Variants in NTN3 observed in about 807,000 individuals in gnomAD.
NTN3 encodes netrin 3.
Under a neutral mutation model 37.2 loss-of-function variants are expected in NTN3, and 44 were observed. That is an observed-to-expected ratio of 1.18 (90% CI 0.93 to 1.52). The LOEUF (loss-of-function observed/expected upper bound fraction) is 1.52. Ranked by LOEUF, NTN3 falls within the 40% of genes most tolerant of loss-of-function variation. The probability of loss-of-function intolerance (pLI) is 0.00; values close to 1 mark genes in which losing one functional copy is unlikely to be tolerated. For synonymous variants in NTN3, 385 were observed against 376.0 expected (o/e 1.02, Z -0.28); for missense variants, 882 against 857.3 (o/e 1.03, Z -0.36).
rs1458327799 is a variant in NTN3 at position 2,471,962 on chromosome 16, G to A, written c.261G>A (p.Thr87=). 4 of 1,580,428 alleles carry A rather than the reference G, an allele frequency of 2.5e-6. No individual in the cohort carries two copies. Among genetic ancestry groups the A allele is most frequent in the Admixed American group, 1.7e-5 (1 of 57,706 alleles). The part of the protein sequence containing the change: ...SPALLTSPGG[T]ASPLCWRSES... The stretch of plus-strand genomic sequence containing the variant: ...CCCTCCTTACTTCCCCAGGGGGCAC[G>A]GCCAGCCCTCTGTGCTGGCGCTCGG... The change falls in exon 1 of 6, where the codon ACG becomes ACA. Residue 87 remains threonine (T), a synonymous_variant. Transcript: ENST00000293973.
In NTN3 at chr16:2,473,973, G is replaced by T; in HGVS notation, c.1611G>T (p.Gly537=). The change falls in exon 6 of 6, where the codon GGG becomes GGT. Residue 537 remains glycine (G), a synonymous_variant. Coordinates refer to ENST00000293973, the MANE Select transcript of NTN3 (RefSeq NM_006181.3). ...LLGGGPGAAA[G]GAGGRGPGLI... ...GGGGCGGGCCTGGAGCCGCGGCTGG[G>T]GGCGCGGGGGGCCGGGGGCCCGGGC... 1 of 1,163,814 alleles carries T rather than the reference G, an allele frequency of 8.6e-7. No individual in the cohort carries two copies. The highest frequency in any genetic ancestry group is 4.2e-5 in the South Asian group (1 of 23,778). The allele number at this position is 1,163,814 out of a possible 1,614,324, so 72.1% of individuals were successfully genotyped here.
rs200536124 is a variant in NTN3 at position 2,473,440 on chromosome 16, C to T, written c.1330C>T (p.His444Tyr). 2 of 1,613,046 alleles carry T rather than the reference C, an allele frequency of 1.2e-6. No individual in the cohort carries two copies. The highest frequency in any genetic ancestry group is 2.2e-5 in the East Asian group (1 of 44,874). Residue 444 changes from histidine to tyrosine, a missense_variant, in exon 5 of 6, where the codon CAC (histidine) becomes TAC (tyrosine). Physicochemically the swap from His to Tyr is moderately conservative, Grantham distance 83 (BLOSUM62 2). Transcript: ENST00000293973. The stretch of plus-strand genomic sequence containing the variant: ...CACCTTCTACCCAGACTGTGACTCG[C>T]ACTGCAAACCTGCCCGTGGCAGCTA... Reference protein sequence around the residue: ...SPVQPQDCDSHCKPARGSYRI... With the variant: ...SPVQPQDCDSYCKPARGSYRI...
Position 2,472,689 on chromosome 16 carries a change from C to A in NTN3, c.929-12C>A. On this transcript the variant is annotated splice_polypyrimidine_tract_variant and intron_variant, in intron 1 of 5. Transcript: ENST00000293973. ...CACAACCAGCCTGCCCCTGACCCAT[C>A]CCTCCCTGCAGCTTGCTCCTGCAAC... is the stretch of plus-strand genomic sequence containing the variant. 6.2e-7 allele frequency: 1 copy of A among 1,608,688 alleles called. No homozygotes were observed. Among genetic ancestry groups the A allele is most frequent in the Non-Finnish European group, 8.5e-7 (1 of 1,178,882 alleles).
chr16:2,473,177 C>G lies in NTN3; in HGVS notation c.1267+43C>G, dbSNP rs752783574. 6 of 1,594,946 alleles carry G rather than the reference C, an allele frequency of 3.8e-6. No homozygotes were observed. In the Admixed American group the frequency reaches 1.0e-4, roughly 27 times the overall value. ...GCCTCAGCCACCAAGCCAAGGCCAC[C>G]CCAGCTCCCTGCTGTTGTCCCGTCT... On this transcript the variant is annotated intron_variant, in intron 3 of 5. Coordinates refer to ENST00000293973, the MANE Select transcript of NTN3 (RefSeq NM_006181.3).
At position 2,471,476 on chromosome 16, in the gene NTN3, T is replaced by C. The variant is rs891981990; in HGVS notation, c.-226T>C. On this transcript the variant is annotated 5_prime_UTR_variant, in exon 1 of 6. Transcript: ENST00000293973. Reference sequence around the variant, plus strand: ...AGGCACCGGGAGCGGGGGCGACGCCTGTCATCGCTCTAGGCCCAGCGGGAG... The same window carrying C: ...AGGCACCGGGAGCGGGGGCGACGCCCGTCATCGCTCTAGGCCCAGCGGGAG... The C allele has an allele frequency of 3.8e-5, 14 of 371,874 alleles. No homozygotes were observed. Among genetic ancestry groups the C allele is most frequent in the Non-Finnish European group, 5.7e-5 (12 of 209,650 alleles). 23.0% of individuals were successfully genotyped at this position (371,874 alleles called of 1,614,324 possible).
Position 2,471,893 on chromosome 16 carries a change from TC to T in NTN3, c.193del (p.Arg65GlyfsTer41). ...CCAGCACGTGCGGGCGGCCGGCCAC[TC>T]GGGCCTGCGACGCCTCCGACCCGCG... ...ASSTCGRPATRACDASDPRRA... is the reference protein window; with the variant it reads ...ASSTCGRPATXACDASDPRRA... On this transcript the variant is annotated frameshift_variant, in exon 1 of 6. Transcript: ENST00000293973. LOFTEE classifies it high-confidence loss of function. 6.7e-7 allele frequency: 1 copy of T among 1,492,642 alleles called. No individual in the cohort carries two copies. The highest frequency in any genetic ancestry group is 1.2e-5 in the South Asian group (1 of 80,130). 92.5% of individuals were successfully genotyped at this position (1,492,642 alleles called of 1,614,324 possible).
Position 2,472,008 on chromosome 16 carries a change from C to T in NTN3, c.307C>T (p.Leu103Phe). Reference protein sequence around the residue: ...WRSESLPRAPLNVTLTVPLGK... With the variant: ...WRSESLPRAPFNVTLTVPLGK... Reference sequence around the variant, plus strand: ...CTCGGAGTCCCTGCCTCGGGCGCCCCTCAACGTGACTCTCACGGTGCCCCT... The same window carrying T: ...CTCGGAGTCCCTGCCTCGGGCGCCCTTCAACGTGACTCTCACGGTGCCCCT... Residue 103 changes from leucine (L) to phenylalanine (F), a missense_variant, in exon 1 of 6, where the codon CTC becomes TTC. Leu to Phe is a conservative substitution (Grantham distance 22). Transcript: ENST00000293973. The T allele has an allele frequency of 6.2e-7, 1 of 1,605,422 alleles. No homozygotes were observed.
In NTN3 at chr16:2,472,475, T is replaced by C; in HGVS notation, c.774T>C (p.Asn258=). The C allele has an allele frequency of 1.3e-6, 2 of 1,595,926 alleles. No homozygotes were observed. The highest frequency in any genetic ancestry group is 1.7e-6 in the Non-Finnish European group (2 of 1,164,376). ...AGGTGGGCGGGCGCTGCAAGTGCAA[T>C]GGACATGCCTCACGGTGCCTGCTGG... ...DLQVGGRCKC[N]GHASRCLLDT... The change falls in exon 1 of 6, where the codon AAT becomes AAC. Residue 258 remains asparagine (N), a synonymous_variant. Coordinates refer to ENST00000293973, the MANE Select transcript of NTN3 (RefSeq NM_006181.3).
At chr16:2,473,705 C>A (rs1199042895) in intron 5 of NTN3, 51 bp from the exon 6 acceptor site, 58 of 1,408,084 alleles carry the variant, frequency 4.1e-5, no homozygotes, top group Non-Finnish European at 5.3e-5. Context: ...CTCCCCCTAC[C>A]GCGGGCAGGC....
chr16:2,473,639 C>A, intron 5 of NTN3, 117 bp from the exon 6 acceptor site: 1 of 1,235,762 alleles, frequency 8.1e-7, no homozygotes. Flanking sequence ...AGGTCCTCCA[C>A]GGGCAGCGAC....
At chr16:2,473,652 C>G in intron 5 of NTN3, 104 bp from the exon 6 acceptor site, 1 of 1,265,348 alleles carries the variant, frequency 7.9e-7, no homozygotes, top group East Asian at 2.5e-5. Flanking sequence ...GCAGCGACCC[C>G]GCCCCTTCAG....
At position 2,473,266 on chromosome 16, in the gene NTN3, A is replaced by G. The variant is rs747709246; in HGVS notation, c.1268-2A>G. 6.2e-7 allele frequency: 1 copy of G among 1,612,802 alleles called. No individual in the cohort carries two copies. Among genetic ancestry groups the G allele is most frequent in the South Asian group, 1.1e-5 (1 of 91,050 alleles). The stretch of plus-strand genomic sequence containing the variant: ...CAGGCCATTCTCCCTCCCTCTCTGC[A>G]GAGACCCCTATCCCTGGACCCACTG... On this transcript the variant is annotated splice_acceptor_variant, in intron 3 of 5. Coordinates refer to ENST00000293973, the MANE Select transcript of NTN3 (RefSeq NM_006181.3). LOFTEE classifies it high-confidence loss of function.
chr16:2,473,689 C>G (rs985871760), intron 5 of NTN3, 67 bp from the exon 6 acceptor site: 36 of 1,370,154 alleles, frequency 2.6e-5, no homozygotes, highest in Non-Finnish European at 3.0e-5. Flanking sequence ...GGTGTCCTCC[C>G]CGTGCCTCCC....
Position 2,473,153 on chromosome 16 carries a change from C to T in NTN3, c.1267+19C>T. 6.3e-7 allele frequency: 1 copy of T among 1,593,200 alleles called. No individual in the cohort carries two copies. Among genetic ancestry groups the T allele is most frequent in the South Asian group, 1.1e-5 (1 of 89,382 alleles). On this transcript the variant is annotated intron_variant, in intron 3 of 5. Coordinates refer to ENST00000293973, the MANE Select transcript of NTN3 (RefSeq NM_006181.3). ...TGTGTTAGTGAGTGACCCTGCCCCG[C>T]CTCAGCCACCAAGCCAAGGCCACCC...
rs200985731 is a variant in NTN3, at chr16:2,472,088, A to G, written c.387A>G (p.Pro129=). The part of the protein sequence containing the change: ...FVSLRFCSAP[P]ASVALLKSQD... ...GCCTGCGCTTCTGCTCAGCTCCCCC[A>G]GCCTCCGTGGCCCTGCTCAAGTCTC... Residue 129 remains proline, a synonymous_variant, in exon 1 of 6, where the codon CCA becomes CCG. Transcript: ENST00000293973. 121 of 1,606,362 alleles carry G rather than the reference A, an allele frequency of 7.5e-5. No homozygotes were observed. In the African/African-American group the frequency reaches 1.6e-3, roughly 21 times the overall value.
In NTN3 at chr16:2,471,910, C is replaced by G. The variant is rs1455820056; in HGVS notation, c.209C>G (p.Ser70Cys). The G allele has an allele frequency of 2.0e-6, 3 of 1,535,394 alleles. No homozygotes were observed. The highest frequency in any genetic ancestry group is 2.6e-6 in the Non-Finnish European group (3 of 1,148,530). The stretch of plus-strand genomic sequence containing the variant: ...CCGGCCACTCGGGCCTGCGACGCCT[C>G]CGACCCGCGACGGGCACACTCCCCC... ...GRPATRACDA[S>C]DPRRAHSPAL... Residue 70 changes from serine (S) to cysteine (C), a missense_variant, in exon 1 of 6, where the codon TCC (serine) becomes TGC (cysteine). Transcript: ENST00000293973.
rs1289653531 is a variant in NTN3 at position 2,471,802 on chromosome 16, G to C, written c.101G>C (p.Gly34Ala). ...CCCGCCGACCCCTGCCACGATGAGGGGGGTGCGCCCCGCGGCTGCGTGCCA... is the reference window on the plus strand; with the variant it reads ...CCCGCCGACCCCTGCCACGATGAGGCGGGTGCGCCCCGCGGCTGCGTGCCA... ...PAPADPCHDE[G>A]GAPRGCVPGL... The change falls in exon 1 of 6, where the codon GGG becomes GCG. Residue 34 changes from glycine (G) to alanine (A), a missense_variant. Transcript: ENST00000293973. 3 of 1,389,966 alleles carry C rather than the reference G, an allele frequency of 2.2e-6. No individual in the cohort carries two copies. The highest frequency in any genetic ancestry group is 7.1e-5 in the Admixed American group (2 of 28,324). The allele number at this position is 1,389,966 out of a possible 1,614,324, so 86.1% of individuals were successfully genotyped here.
chr16:2,472,139 GC>G lies in NTN3; in HGVS notation c.439del (p.Leu147TrpfsTer69), dbSNP rs1447762760. The G allele has an allele frequency of 1.9e-6, 3 of 1,608,174 alleles. 1 individual carries two copies. Among genetic ancestry groups the G allele is most frequent in the South Asian group, 2.2e-5 (2 of 90,968 alleles). ...SQDHGRSWAP[L>X]GFFSSHCDLD... ...AGGACCATGGCCGCAGCTGGGCCCC[GC>G]TGGGCTTCTTCTCCTCCCACTGTGA... On this transcript the variant is annotated frameshift_variant, in exon 1 of 6. Coordinates refer to ENST00000293973, the MANE Select transcript of NTN3 (RefSeq NM_006181.3). LOFTEE classifies it high-confidence loss of function.
In NTN3 at chr16:2,472,136, C is replaced by T; in HGVS notation, c.435C>T (p.Ala145=). The T allele has an allele frequency of 6.2e-7, 1 of 1,608,362 alleles. No individual in the cohort carries two copies. The change falls in exon 1 of 6, where the codon GCC becomes GCT. Residue 145 remains alanine (A), a synonymous_variant. Transcript: ENST00000293973. Reference sequence around the variant, plus strand: ...CTCAGGACCATGGCCGCAGCTGGGCCCCGCTGGGCTTCTTCTCCTCCCACT... The same window carrying T: ...CTCAGGACCATGGCCGCAGCTGGGCTCCGCTGGGCTTCTTCTCCTCCCACT... ...LKSQDHGRSW[A]PLGFFSSHCD... is the part of the protein sequence containing the mutation.
Sources: gnomAD v4.1 joint callset for allele counts on GRCh38, gnomAD v4.1.1 for gene constraint, MANE v1.5 for transcripts, NCBI Gene and HGNC (gene_info 2026-07-23, HGNC 2026-07-21) for gene names.